Variants in ABL2 observed in about 807,000 individuals in gnomAD.
ABL2 encodes ABL proto-oncogene 2, non-receptor tyrosine kinase, also known as tyrosine-protein kinase ABL2.
A neutral mutation model predicts 107.7 loss-of-function variants in ABL2; 49 were observed. The ratio of observed to expected loss-of-function variants is 0.45; its 90% confidence interval spans 0.36 to 0.58. ABL2 has a LOEUF of 0.58. Ranked by LOEUF, ABL2 falls within the 20% of genes least tolerant of loss-of-function variation. The pLI is 0.00. For synonymous variants in ABL2, 549 were observed against 548.6 expected (o/e 1.00, Z -0.01); for missense variants, 1,245 against 1,457.0 (o/e 0.85, Z 2.37).
intron 1 of ABL2, chr1:179,184,029 G>A (rs1041649027): frequency 1.5e-5 from 4 of 273,520 alleles, no homozygotes; most frequent in African/African-American, 2.3e-5. Flanking sequence ...AACTAAGGGA[G>A]GAGATTCTGA....
chr1:179,150,135 G>A (rs1173299664), intron 1 of ABL2, among the ~76,000 whole-genome samples: 1 of 152,070 alleles, frequency 6.6e-6, no homozygotes, highest in South Asian at 2.1e-4. Flanking sequence ...AACTATTAGG[G>A]AGGCTGAGGT....
chr1:179,153,318 G>A (rs935934105), intron 1 of ABL2, among the ~76,000 whole-genome samples: 19 of 151,824 alleles, frequency 1.3e-4, no homozygotes, highest in African/African-American at 4.6e-4. Flanking sequence ...TTAGTTTCCT[G>A]CAGCTGCTAT....
At position 179,192,017 on chromosome 1, in the gene ABL2, A is replaced by C. The variant is rs556159502; in HGVS notation, c.157+37224T>G. Among the ~76,000 whole-genome samples, 6 of 152,338 alleles carry C rather than the reference A, an allele frequency of 3.9e-5. No homozygotes were observed. In the South Asian group the frequency reaches 1.2e-3, roughly 32 times the overall value. On this transcript the variant is annotated intron_variant, in intron 1 of 11. Coordinates refer to ENST00000502732, the MANE Select transcript of ABL2 (RefSeq NM_007314.4). ...ATACATTTAATTGCAAACAAAGTAT[A>C]AAGCAGAAGAGTAACTTATACTTGG...
intron 1 of ABL2, among the ~76,000 whole-genome samples, chr1:179,135,606 G>C (rs977393207): frequency 1.3e-5 from 2 of 151,716 alleles, no homozygotes; most frequent in African/African-American, 2.4e-5. Context: ...AGGTGGGGGG[G>C]TCAGCCCCCC....
rs372669375 is a variant in ABL2 at position 179,101,965 on chromosome 1, G to GA, written c.*5752dup. 805 of 60,160 alleles carry GA rather than the reference G, an allele frequency of 0.013. 7 individuals carry two copies. Among genetic ancestry groups the GA allele is most frequent in the African/African-American group, 0.041 (730 of 17,886 alleles). 3.7% of individuals were successfully genotyped at this position (60,160 alleles called of 1,614,324 possible). ...ATTACTACTGGCTTGCTGGAAAAAA[G>GA]AAAAAAAAAGCAAGCTTTGCATTAG... On this transcript the variant is annotated 3_prime_UTR_variant, in exon 12 of 12. Coordinates refer to ENST00000502732, the MANE Select transcript of ABL2 (RefSeq NM_007314.4).
intron 1 of ABL2, among the ~76,000 whole-genome samples, chr1:179,150,953 T>G (rs1167877630): frequency 1.3e-5 from 2 of 152,346 alleles, no homozygotes; most frequent in African/African-American, 4.8e-5. Context: ...AAAAATGATT[T>G]GCTGAAGTCT....
chr1:179,100,924 T>A lies in ABL2; in HGVS notation c.*6794A>T, dbSNP rs544873863. ...TAGGAGAGGTAAACAATTTCAAAGT[T>A]AGAGATGTACATGGGGATGAAGAAG... On this transcript the variant is annotated 3_prime_UTR_variant, in exon 12 of 12. Coordinates refer to ENST00000502732, the MANE Select transcript of ABL2 (RefSeq NM_007314.4). The A allele has an allele frequency of 4.3e-5, 10 of 232,570 alleles. No homozygotes were observed. The highest frequency in any genetic ancestry group is 7.6e-5 in the Non-Finnish European group (9 of 117,746). The allele number at this position is 232,570 out of a possible 1,614,324, so 14.4% of individuals were successfully genotyped here.
intron 8 of ABL2, among the ~76,000 whole-genome samples, chr1:179,116,033 A>C (rs892963683): frequency 1.1e-4 from 15 of 141,954 alleles, no homozygotes; most frequent in Admixed American, 8.9e-4. Flanking sequence ...ACTTCCCTCG[A>C]AAAAAAAAAA....
Position 179,208,335 on chromosome 1 carries a change from T to C in ABL2, c.157+20906A>G, listed in dbSNP as rs115280026. Among the ~76,000 whole-genome samples, 792 of 151,960 alleles carry C rather than the reference T, an allele frequency of 5.2e-3. 7 individuals carry two copies. Among genetic ancestry groups the C allele is most frequent in the African/African-American group, 0.018 (749 of 41,446 alleles). On this transcript the variant is annotated intron_variant, in intron 1 of 11. Coordinates refer to ENST00000502732, the MANE Select transcript of ABL2 (RefSeq NM_007314.4). Reference sequence around the variant, plus strand: ...CCCCTCTAATAGTTCCCAGTGTCTATTATTCCCACCTTTATGTCCATTTGT... The same window carrying C: ...CCCCTCTAATAGTTCCCAGTGTCTACTATTCCCACCTTTATGTCCATTTGT...
chr1:179,190,094 G>A (rs1304158709), intron 1 of ABL2, among the ~76,000 whole-genome samples: 4 of 152,050 alleles, frequency 2.6e-5, no homozygotes, highest in Non-Finnish European at 2.9e-5. Context: ...TGGGATTACA[G>A]GCGTGAGCCA....
intron 8 of ABL2, among the ~76,000 whole-genome samples, chr1:179,115,849 T>C (rs1243937636): frequency 6.6e-6 from 1 of 152,220 alleles, no homozygotes; most frequent in East Asian, 1.9e-4. Flanking sequence ...GTCTCAGTTA[T>C]TTGAGTTTGA....
chr1:179,108,299 T>C lies in ABL2; in HGVS notation c.2968A>G (p.Met990Val). Residue 990 changes from methionine (M) to valine (V), a missense_variant, in exon 12 of 12, where the codon ATG (methionine) becomes GTG (valine). Physicochemically the swap from Met to Val is conservative, Grantham distance 21. This residue lies in a region of ABL2 where 761 missense variants were observed against 766.4 expected (regional missense o/e 0.99). Transcript: ENST00000502732. ...ATGGACGGATGCTGCAGTAGTCTCA[T>C]CACTGGTGGTGGGGGTGGGGCACAC... ...PKCAPPPPPVMRLLQHPSICS... is the reference protein window; with the variant it reads ...PKCAPPPPPVVRLLQHPSICS... 2 of 1,614,002 alleles carry C rather than the reference T, an allele frequency of 1.2e-6. No homozygotes were observed. The highest frequency in any genetic ancestry group is 1.7e-6 in the Non-Finnish European group (2 of 1,179,998).
chr1:179,178,401 C>CAAAAAAAAAAAAA lies in ABL2; in HGVS notation c.158-45040_158-45028dup, dbSNP rs572438530. Among the ~76,000 whole-genome samples the CAAAAAAAAAAAAA allele has an allele frequency of 3.1e-3, 212 of 68,560 alleles. 15 individuals carry two copies. The highest frequency in any genetic ancestry group is 8.7e-3 in the African/African-American group (164 of 18,812). The allele number at this position is 68,560 out of a possible 152,430, so 45.0% of individuals were successfully genotyped here. On this transcript the variant is annotated intron_variant, in intron 1 of 11. Transcript: ENST00000502732. The stretch of plus-strand genomic sequence containing the variant: ...TGGGTGACAGAGCAAGACTCTGCCT[C>CAAAAAAAAAAAAA]AAAAAAAAAAAAAAAAAAATTATTT...
At chr1:179,197,484 A>C (rs1198392297) in intron 1 of ABL2, among the ~76,000 whole-genome samples, 1 of 151,790 alleles carries the variant, frequency 6.6e-6, no homozygotes, top group South Asian at 2.1e-4. Context: ...TCAATTCACC[A>C]ATACATTATA....
chr1:179,214,276 T>C (rs1662440286), intron 1 of ABL2, among the ~76,000 whole-genome samples: 1 of 151,946 alleles, frequency 6.6e-6, no homozygotes, highest in Admixed American at 6.6e-5. Flanking sequence ...CAACATCAAT[T>C]CACCCCCAAA....
At chr1:179,187,052 C>A (rs1272070541) in intron 1 of ABL2, among the ~76,000 whole-genome samples, 1 of 152,110 alleles carries the variant, frequency 6.6e-6, no homozygotes, top group Non-Finnish European at 1.5e-5. Flanking sequence ...TTATAGTGTA[C>A]TTTTCAGTGT....
rs28914522 is a variant in ABL2, at chr1:179,130,662, G to A, written c.391+649C>T. On this transcript the variant is annotated intron_variant, in intron 3 of 11. Coordinates refer to ENST00000502732, the MANE Select transcript of ABL2 (RefSeq NM_007314.4). The stretch of plus-strand genomic sequence containing the variant: ...CTCAAGAGAGTGGTAGTTTATTTCC[G>A]TGGGAAATTCTTATAAAAGGGAACA... Among the ~76,000 whole-genome samples the A allele has an allele frequency of 3.4e-4, 51 of 151,888 alleles. No individual in the cohort carries two copies. In the East Asian group the frequency reaches 8.2e-3, roughly 24 times the overall value.
rs780833324 is a variant in ABL2, at chr1:179,114,936, T to C, written c.1503A>G (p.Gly501=). The change falls in exon 9 of 12, where the codon GGA becomes GGG. Residue 501 remains glycine (G), a synonymous_variant. Transcript: ENST00000502732. ...LSQVYDLLEK[G]YRMEQPEGCP... ...ATCCCTCAGGCTGTTCCATTCGATA[T>C]CCTTTTTCTAGTAGGTCATAGACCT... The C allele has an allele frequency of 2.5e-6, 4 of 1,612,784 alleles. No individual in the cohort carries two copies. Among genetic ancestry groups the C allele is most frequent in the African/African-American group, 2.7e-5 (2 of 75,036 alleles).
chr1:179,177,133 T>C lies in ABL2; in HGVS notation c.158-43759A>G, dbSNP rs920499393. 2.6e-5 allele frequency among the ~76,000 whole-genome samples: 4 copies of C among 152,264 alleles called. No homozygotes were observed. In the South Asian group the frequency reaches 6.2e-4, roughly 24 times the overall value. On this transcript the variant is annotated intron_variant, in intron 1 of 11. Coordinates refer to ENST00000502732, the MANE Select transcript of ABL2 (RefSeq NM_007314.4). ...AAGAGAAAGACTTAATTTAACACCC[T>C]AGCCTAGGAGAGATGAGCAAGTGAG...
Sources: allele counts gnomAD v4.1 joint callset (sites outside exome capture counted in the v4.1 genomes callset), GRCh38; gene constraint gnomAD v4.1.1; regional missense constraint gnomAD v4.1.1; transcripts MANE v1.5; gene names NCBI Gene and HGNC (gene_info 2026-07-23, HGNC 2026-07-21).